CSMD1: variants seen among roughly 807,000 people sequenced by gnomAD.
CSMD1 encodes the protein CUB and sushi domain-containing protein 1.
CSMD1 carries 213 observed loss-of-function variants against 417.5 expected under a neutral mutation model. The ratio of observed to expected loss-of-function variants is 0.51; its 90% CI spans 0.46 to 0.57. The LOEUF is 0.57. Ranked by LOEUF, CSMD1 falls within the 20% of genes least tolerant of loss-of-function variation. CSMD1 has a pLI of 0.00. For missense variants in CSMD1, 6,923 were observed against 4,529.7 expected, an observed-to-expected ratio of 1.53 and a Z score of -15.17; for synonymous variants, 2,862 against 1,736.8, an observed-to-expected ratio of 1.65 and a Z score of -16.11.
chr8:4,362,123 T>G (rs1801802338), intron 3 of CSMD1, among the ~76,000 whole-genome samples: 1 of 152,198 alleles, frequency 6.6e-6, no homozygotes, highest in Non-Finnish European at 1.5e-5. Context: ...ATCCAAGTAC[T>G]TTATAAAAAT....
chr8:3,523,929 A>G (rs1211835183), intron 10 of CSMD1, among the ~76,000 whole-genome samples: 1 of 151,366 alleles, frequency 6.6e-6, no homozygotes, highest in African/African-American at 2.4e-5. Flanking sequence ...ACACATATGC[A>G]TGCACACTCA....
intron 2 of CSMD1, among the ~76,000 whole-genome samples, chr8:4,516,368 G>A (rs1178243406): frequency 2.0e-5 from 3 of 152,164 alleles, no homozygotes; most frequent in Non-Finnish European, 4.4e-5. Flanking sequence ...TCCAGTTTGT[G>A]GTACTTTATC....
chr8:4,543,894 C>G (rs76292275), intron 2 of CSMD1, among the ~76,000 whole-genome samples: 1 of 152,094 alleles, frequency 6.6e-6, no homozygotes, highest in East Asian at 1.9e-4. Context: ...AGATGTGGAG[C>G]GCCTTTTCAT....
At chr8:4,053,160 C>G (rs916109077) in intron 3 of CSMD1, among the ~76,000 whole-genome samples, 1 of 152,172 alleles carries the variant, frequency 6.6e-6, no homozygotes, top group South Asian at 2.1e-4. Context: ...TTAGTGAAAT[C>G]TGAACTACAG....
intron 1 of CSMD1, among the ~76,000 whole-genome samples, chr8:4,860,559 T>A (rs1231793029): frequency 6.6e-6 from 1 of 152,132 alleles, no homozygotes; most frequent in Non-Finnish European, 1.5e-5. Flanking sequence ...TGCCATGCTT[T>A]CTGTACAGCC....
intron 5 of CSMD1, among the ~76,000 whole-genome samples, chr8:3,970,754 T>G (rs533511185): frequency 1.3e-5 from 2 of 152,042 alleles, no homozygotes; most frequent in South Asian, 4.1e-4. Flanking sequence ...TGTTTTTTGT[T>G]TTTTTGTTTT....
At position 4,195,998 on chromosome 8, in the gene CSMD1, T is replaced by G. The variant is rs964524377; in HGVS notation, c.416-163899A>C. Among the ~76,000 whole-genome samples the G allele has an allele frequency of 7.2e-5, 11 of 151,810 alleles. No individual in the cohort carries two copies. In the South Asian group the frequency reaches 1.2e-3, roughly 17 times the overall value. On this transcript the variant is annotated intron_variant, in intron 3 of 69. Transcript: ENST00000635120. ...GCACCGAGGTGAGCGGATCATGAGG[T>G]CATGCGATCGAGACCATCCTGGCTA...
In CSMD1 at chr8:3,519,099, C is replaced by T. The variant is rs191607515; in HGVS notation, c.1345-25373G>A. ...GAATTTGACTTTTGTGCCTCACTGT[C>T]CCCTGTGCAAATATTTGGGTACTGC... On this transcript the variant is annotated intron_variant, in intron 10 of 69. Transcript: ENST00000635120. Among the ~76,000 whole-genome samples the T allele has an allele frequency of 3.3e-5, 5 of 152,284 alleles. No homozygotes were observed. In the East Asian group the frequency reaches 9.6e-4, roughly 29 times the overall value.
chr8:4,660,198 A>G (rs1264224358), intron 1 of CSMD1, among the ~76,000 whole-genome samples: 3 of 152,068 alleles, frequency 2.0e-5, no homozygotes. Flanking sequence ...AGATGACATA[A>G]TGTTCTTTGT....
At chr8:4,554,797 G>A (rs77423147) in intron 2 of CSMD1, among the ~76,000 whole-genome samples, 8 of 152,316 alleles carry the variant, frequency 5.3e-5, no homozygotes, top group South Asian at 4.1e-4. Context: ...AGCAGCGTCC[G>A]TCCCTGTTGA....
chr8:2,961,738 A>G (rs952981195), intron 61 of CSMD1, among the ~76,000 whole-genome samples: 2 of 152,350 alleles, frequency 1.3e-5, no homozygotes, highest in African/African-American at 2.4e-5. Context: ...GTGGCACTTC[A>G]GCTCTCTTAC....
chr8:3,967,020 T>C (rs561496440), intron 5 of CSMD1, among the ~76,000 whole-genome samples: 124 of 152,184 alleles, frequency 8.1e-4, no homozygotes, highest in African/African-American at 2.9e-3. Context: ...GGTGAAATAA[T>C]CTCCAAGGCC....
chr8:3,257,762 G>T (rs112670023), intron 26 of CSMD1, among the ~76,000 whole-genome samples: 5 of 152,266 alleles, frequency 3.3e-5, no homozygotes, highest in African/African-American at 7.2e-5. Flanking sequence ...AGCTGAGAAG[G>T]GGGTGGATGA....
chr8:4,119,863 G>A (rs1284627447), intron 3 of CSMD1, among the ~76,000 whole-genome samples: 1 of 152,222 alleles, frequency 6.6e-6, no homozygotes, highest in Admixed American at 6.5e-5. Context: ...AGACACATCT[G>A]AAAGGGTTCG....
chr8:3,348,920 G>T (rs889726707), intron 21 of CSMD1, among the ~76,000 whole-genome samples: 2 of 152,164 alleles, frequency 1.3e-5, no homozygotes, highest in African/African-American at 4.8e-5. Flanking sequence ...TTTAGGTCAA[G>T]AATGCTTTCA....
chr8:4,004,214 A>T (rs903213154), intron 4 of CSMD1, among the ~76,000 whole-genome samples: 2 of 151,902 alleles, frequency 1.3e-5, no homozygotes, highest in African/African-American at 4.8e-5. Flanking sequence ...GGATTTAAAA[A>T]CTCCTTCAAT....
chr8:3,229,599 G>C (rs1159280828), intron 27 of CSMD1, among the ~76,000 whole-genome samples: 2 of 151,976 alleles, frequency 1.3e-5, no homozygotes, highest in Non-Finnish European at 2.9e-5. Context: ...CTAGTTTTCA[G>C]AATTCTATTT....
intron 5 of CSMD1, among the ~76,000 whole-genome samples, chr8:3,903,806 G>A (rs1267382724): frequency 6.6e-6 from 1 of 152,088 alleles, no homozygotes; most frequent in Admixed American, 6.6e-5. Flanking sequence ...AGTGTTCCAT[G>A]GGTCATGTTT....
chr8:3,684,531 A>G (rs1401723087), intron 7 of CSMD1, among the ~76,000 whole-genome samples: 1 of 150,938 alleles, frequency 6.6e-6, no homozygotes, highest in East Asian at 1.9e-4. Context: ...CTGGCCATCT[A>G]GAAACAAATG....
Sources: gnomAD v4.1 joint callset for allele counts (sites outside exome capture counted in the v4.1 genomes callset) on GRCh38, gnomAD v4.1.1 for gene constraint, MANE v1.5 for transcripts, NCBI Gene and HGNC (gene_info 2026-07-23, HGNC 2026-07-21) for gene names.